Variants in CSMD1 observed in about 807,000 individuals in gnomAD.
CSMD1 encodes the protein CUB and sushi domain-containing protein 1.
A neutral mutation model predicts 417.5 loss-of-function variants in CSMD1; 213 were observed. The observed-to-expected ratio is 0.51, with a 90% confidence interval of 0.46 to 0.57. CSMD1 has a LOEUF of 0.57. Ranked by LOEUF, CSMD1 falls within the 20% of genes least tolerant of loss-of-function variation. The probability of loss-of-function intolerance (pLI) is 0.00; values close to 1 mark genes in which losing one functional copy is unlikely to be tolerated. For synonymous variants in CSMD1, 2,862 were observed against 1,736.8 expected, an observed-to-expected ratio of 1.65 and a Z score of -16.11; for missense variants, 6,923 against 4,529.7, an observed-to-expected ratio of 1.53 and a Z score of -15.17.
At chr8:4,679,687 G>A (rs935594683) in intron 1 of CSMD1, among the ~76,000 whole-genome samples, 1 of 151,434 alleles carries the variant, frequency 6.6e-6, no homozygotes, top group Admixed American at 6.6e-5. Flanking sequence ...CTATCTACAA[G>A]AACCCAGACA....
chr8:4,609,076 G>C (rs1039292353), intron 2 of CSMD1, among the ~76,000 whole-genome samples: 4 of 151,832 alleles, frequency 2.6e-5, no homozygotes, highest in African/African-American at 9.7e-5. Context: ...TCCACTTTCA[G>C]GTTACTGAGT....
intron 37 of CSMD1, among the ~76,000 whole-genome samples, chr8:3,169,573 A>G (rs145373412): frequency 3.9e-5 from 6 of 152,200 alleles, no homozygotes; most frequent in African/African-American, 1.4e-4. Flanking sequence ...AGATGTGAAC[A>G]TTGTAGAGAT....
chr8:3,842,694 C>G (rs1026084783), intron 5 of CSMD1, among the ~76,000 whole-genome samples: 1 of 151,306 alleles, frequency 6.6e-6, no homozygotes, highest in African/African-American at 2.4e-5. Context: ...AAACTAAAAC[C>G]AAACTAATGA....
chr8:3,340,739 A>G (rs1314898339), intron 23 of CSMD1, among the ~76,000 whole-genome samples: 1 of 152,192 alleles, frequency 6.6e-6, no homozygotes, highest in Non-Finnish European at 1.5e-5. Flanking sequence ...GGTTAATACT[A>G]TTTTGATTAT....
intron 1 of CSMD1, among the ~76,000 whole-genome samples, chr8:4,980,916 C>A (rs74443854): frequency 4.0e-5 from 6 of 150,506 alleles, no homozygotes; most frequent in African/African-American, 7.4e-5. Context: ...AAAAAAAAAA[C>A]TTATTATCTA....
rs143384460 is a variant in CSMD1, at chr8:3,477,359, T to C, written c.1449-8535A>G. On this transcript the variant is annotated intron_variant, in intron 11 of 69. Coordinates refer to ENST00000635120, the MANE Select transcript of CSMD1 (RefSeq NM_033225.6). ...AAAACTTGCCTAAAACTGAACTGCT[T>C]TGTAGTCTTTATGTTCCTTTAATGT... 1.5e-3 allele frequency among the ~76,000 whole-genome samples: 222 copies of C among 152,338 alleles called. 1 individual carries two copies. Among genetic ancestry groups the C allele is most frequent in the African/African-American group, 5.1e-3 (214 of 41,570 alleles).
chr8:3,527,634 A>G (rs769426732), intron 10 of CSMD1, among the ~76,000 whole-genome samples: 19 of 152,040 alleles, frequency 1.2e-4, no homozygotes, highest in Admixed American at 3.9e-4. Context: ...ATCTGGTGAA[A>G]TCTCAAACCA....
At chr8:4,616,518 A>G (rs1017730621) in intron 2 of CSMD1, among the ~76,000 whole-genome samples, 3 of 152,216 alleles carry the variant, frequency 2.0e-5, no homozygotes, top group African/African-American at 7.2e-5. Context: ...CACCAAATAC[A>G]AAGACTTTCT....
In CSMD1 at chr8:3,130,581, G is replaced by A. The variant is rs76866556; in HGVS notation, c.6241+11884C>T. Among the ~76,000 whole-genome samples, 387 of 151,736 alleles carry A rather than the reference G, an allele frequency of 2.6e-3. 10 individuals are homozygous for A. In the East Asian group the frequency reaches 0.055, roughly 22 times the overall value. On this transcript the variant is annotated intron_variant, in intron 41 of 69. Transcript: ENST00000635120. ...GCCAAATCCCCAGGCCCCCTGACCC[G>A]GGGAAGCCCTCTGACCTTCCGCTCC...
chr8:4,581,460 G>C (rs1426102500), intron 2 of CSMD1, among the ~76,000 whole-genome samples: 1 of 152,034 alleles, frequency 6.6e-6, no homozygotes, highest in African/African-American at 2.4e-5. Flanking sequence ...TTTCTATTTT[G>C]AAAACTGTTT....
chr8:3,671,914 C>T (rs1231731091), intron 7 of CSMD1, among the ~76,000 whole-genome samples: 3 of 152,034 alleles, frequency 2.0e-5, no homozygotes, highest in East Asian at 1.9e-4. Flanking sequence ...TGTCCTGTGT[C>T]GTTAGCCTGC....
At chr8:4,063,159 A>G (rs1158212063) in intron 3 of CSMD1, among the ~76,000 whole-genome samples, 1 of 152,184 alleles carries the variant, frequency 6.6e-6, no homozygotes, top group Non-Finnish European at 1.5e-5. Flanking sequence ...AGATTTGGAA[A>G]TGATAAATGT....
At chr8:4,962,705 G>C (rs897870055) in intron 1 of CSMD1, among the ~76,000 whole-genome samples, 1 of 152,170 alleles carries the variant, frequency 6.6e-6, no homozygotes, top group African/African-American at 2.4e-5. Context: ...GGATGTGCAA[G>C]ATTGATGGAT....
intron 2 of CSMD1, among the ~76,000 whole-genome samples, chr8:4,502,550 ATTATG>A (rs1355216851): frequency 6.6e-6 from 1 of 152,186 alleles, no homozygotes; most frequent in Non-Finnish European, 1.5e-5. Flanking sequence ...AGTGCTCTAC[ATTATG>A]TTATTTCAGA....
chr8:3,245,389 A>G (rs1417744233), intron 26 of CSMD1, among the ~76,000 whole-genome samples: 1 of 152,186 alleles, frequency 6.6e-6, no homozygotes, highest in African/African-American at 2.4e-5. Context: ...GAGATAAAGG[A>G]CCAGACTTTT....
chr8:4,557,429 GT>G (rs146510022), intron 2 of CSMD1, among the ~76,000 whole-genome samples: 14,821 of 145,866 alleles, frequency 0.1, 830 homozygotes, highest in African/African-American at 0.16. Flanking sequence ...AATCTGCGAG[GT>G]TTTTTTTTTT....
At chr8:4,534,378 G>A (rs1008180094) in intron 2 of CSMD1, among the ~76,000 whole-genome samples, 1 of 152,152 alleles carries the variant, frequency 6.6e-6, no homozygotes, top group African/African-American at 2.4e-5. Context: ...TTGCATGGAT[G>A]GTTTATCAAT....
intron 3 of CSMD1, among the ~76,000 whole-genome samples, chr8:4,069,201 G>C (rs1407311898): frequency 6.6e-6 from 1 of 152,116 alleles, no homozygotes; most frequent in African/African-American, 2.4e-5. Context: ...TACTCTGATT[G>C]AGGCGTGAAT....
intron 3 of CSMD1, among the ~76,000 whole-genome samples, chr8:4,378,257 T>G (rs186541191): frequency 6.6e-6 from 1 of 152,368 alleles, no homozygotes; most frequent in East Asian, 1.9e-4. Context: ...TATTAACATT[T>G]GTCAATACAT....
Sources: gnomAD v4.1 joint callset for allele counts (sites outside exome capture counted in the v4.1 genomes callset) on GRCh38, gnomAD v4.1.1 for gene constraint, MANE v1.5 for transcripts, NCBI Gene and HGNC (gene_info 2026-07-23, HGNC 2026-07-21) for gene names.